Variants in NAALADL2 observed in about 807,000 individuals in gnomAD.
The protein encoded by NAALADL2 is inactive N-acetylated-alpha-linked acidic dipeptidase-like protein 2.
Under a neutral mutation model 87.2 loss-of-function variants are expected in NAALADL2, and 76 were observed. The observed-to-expected ratio is 0.87, with a 90% CI of 0.72 to 1.05. The LOEUF is 1.05. Ranked by LOEUF, NAALADL2 falls within the 50% of genes least tolerant of loss-of-function variation. NAALADL2 has a pLI of 0.00. For synonymous variants in NAALADL2, 354 were observed against 331.0 expected, an observed-to-expected ratio of 1.07 and a Z score of -0.75; for missense variants, 1,089 against 945.8, an observed-to-expected ratio of 1.15 and a Z score of -1.99.
At chr3:174,963,931 G>A (rs894143244) in intron 1 of NAALADL2, among the ~76,000 whole-genome samples, 1 of 151,858 alleles carries the variant, frequency 6.6e-6, no homozygotes, top group Non-Finnish European at 1.5e-5. Flanking sequence ...TTCTGACAAT[G>A]TAAATAATGT....
chr3:174,581,412 C>T (rs191919937), intron 2 of NAALADL2, among the ~76,000 whole-genome samples: 1 of 151,830 alleles, frequency 6.6e-6, no homozygotes, highest in Non-Finnish European at 1.5e-5. Context: ...TTCCTAATAC[C>T]AGAGAAGCAG....
At chr3:175,159,954 A>G (rs529824063) in intron 2 of NAALADL2, among the ~76,000 whole-genome samples, 8 of 150,178 alleles carry the variant, frequency 5.3e-5, no homozygotes, top group African/African-American at 2.0e-4. Flanking sequence ...CTCCTGCGTC[A>G]GCCTTCCTAG....
In NAALADL2 at chr3:174,473,784, T is replaced by G. The variant is rs546235648; in HGVS notation, c.-184+32752T>G. Among the ~76,000 whole-genome samples, 19 of 152,298 alleles carry G rather than the reference T, an allele frequency of 1.2e-4. No individual in the cohort carries two copies. The South Asian group carries it at 3.9e-3, about 32-fold the overall frequency. On this transcript the variant is annotated intron_variant, in intron 1 of 3. Transcript: ENST00000434257. The stretch of plus-strand genomic sequence containing the variant: ...ATTAGATGTTATTTGAAATGAAGAA[T>G]GTTTTCCTGATAAATTCGTATTTTG...
intron 5 of NAALADL2, among the ~76,000 whole-genome samples, chr3:175,354,609 T>C (rs879512940): frequency 5.9e-5 from 9 of 152,106 alleles, no homozygotes; most frequent in Non-Finnish European, 1.2e-4. Flanking sequence ...TTTACCTTTT[T>C]TCATTAGATT....
At chr3:174,553,036 T>C (rs1325996032) in intron 2 of NAALADL2, among the ~76,000 whole-genome samples, 1 of 152,162 alleles carries the variant, frequency 6.6e-6, no homozygotes, top group Non-Finnish European at 1.5e-5. Context: ...TGGACTTTTG[T>C]GTCTCCACTG....
chr3:175,152,908 A>T (rs1356468927), intron 2 of NAALADL2, among the ~76,000 whole-genome samples: 1 of 152,040 alleles, frequency 6.6e-6, no homozygotes, highest in Admixed American at 6.6e-5. Context: ...CTCTGTCTCA[A>T]AAAAAAGAAA....
At chr3:175,086,726 G>T (rs147734400) in intron 1 of NAALADL2, among the ~76,000 whole-genome samples, 2,441 of 151,922 alleles carry the variant, frequency 0.016, 64 homozygotes, top group African/African-American at 0.054. Flanking sequence ...CATAAGAATT[G>T]CTCATTATAG....
chr3:175,090,425 C>G (rs1719873584), intron 1 of NAALADL2, among the ~76,000 whole-genome samples: 1 of 152,002 alleles, frequency 6.6e-6, no homozygotes, highest in Non-Finnish European at 1.5e-5. Context: ...GCCCAACTAA[C>G]CATCCATTTA....
chr3:175,002,451 TAAAA>T, intron 1 of NAALADL2, among the ~76,000 whole-genome samples: 1 of 152,136 alleles, frequency 6.6e-6, no homozygotes, highest in Middle Eastern at 3.4e-3. Flanking sequence ...TCCTTAAAGC[TAAAA>T]ATGAAGATCT....
At chr3:174,575,424 G>T (rs543680166) in intron 2 of NAALADL2, among the ~76,000 whole-genome samples, 1 of 152,090 alleles carries the variant, frequency 6.6e-6, no homozygotes, top group Non-Finnish European at 1.5e-5. Context: ...TGACTACTCA[G>T]TTTAAAGCCC....
intron 4 of NAALADL2, among the ~76,000 whole-genome samples, chr3:175,286,326 T>G (rs1360016942): frequency 6.6e-6 from 1 of 152,140 alleles, no homozygotes; most frequent in Non-Finnish European, 1.5e-5. Flanking sequence ...AGATTTACTG[T>G]GCATCCTCTT....
At chr3:175,145,378 T>C (rs1429070707) in intron 2 of NAALADL2, among the ~76,000 whole-genome samples, 1 of 152,136 alleles carries the variant, frequency 6.6e-6, no homozygotes, top group East Asian at 1.9e-4. Context: ...GCAGTAGCAC[T>C]CAATAAACCT....
chr3:175,286,047 G>T (rs1754931894), intron 4 of NAALADL2, among the ~76,000 whole-genome samples: 1 of 152,100 alleles, frequency 6.6e-6, no homozygotes, highest in Admixed American at 6.6e-5. Flanking sequence ...TTCAGAAAGA[G>T]AATACAAGCT....
chr3:174,598,106 A>G (rs144893480), intron 2 of NAALADL2, among the ~76,000 whole-genome samples: 65 of 152,284 alleles, frequency 4.3e-4, no homozygotes, highest in African/African-American at 1.5e-3. Flanking sequence ...AATAAACTTG[A>G]CTAAAAATGA....
chr3:175,639,299 T>C (rs1728959858), intron 11 of NAALADL2, among the ~76,000 whole-genome samples: 1 of 148,780 alleles, frequency 6.7e-6, no homozygotes, highest in Non-Finnish European at 1.5e-5. Flanking sequence ...CACAGCAGTT[T>C]TTTTTCAAAA....
chr3:174,764,765 T>C (rs1713548120), intron 3 of NAALADL2, among the ~76,000 whole-genome samples: 1 of 152,144 alleles, frequency 6.6e-6, no homozygotes, highest in African/African-American at 2.4e-5. Context: ...TTGGGTTAGA[T>C]GAGAATAAGG....
rs564781492 is a variant in NAALADL2 at position 175,339,334 on chromosome 3, C to G, written c.1090+15009C>G. 6.6e-5 allele frequency among the ~76,000 whole-genome samples: 10 copies of G among 152,230 alleles called. No homozygotes were observed. The East Asian group carries it at 1.9e-3, about 29-fold the overall frequency. On this transcript the variant is annotated intron_variant, in intron 5 of 13. Coordinates refer to ENST00000454872, the MANE Select transcript of NAALADL2 (RefSeq NM_207015.3). ...TGCCATGTGAAAAGTTTCAAAGGTC[C>G]TACGTTGTTTGTTTTTCCTCTCTTT...
In NAALADL2 at chr3:175,024,509, C is replaced by G. The variant is rs181209866; in HGVS notation, c.44-72281C>G. The stretch of plus-strand genomic sequence containing the variant: ...AAAGAGAAAATACAAAATCATTGTC[C>G]TTATTTAAAGTGAGCAAATATTATT... On this transcript the variant is annotated intron_variant, in intron 1 of 13. Transcript: ENST00000454872. Among the ~76,000 whole-genome samples the G allele has an allele frequency of 3.0e-3, 458 of 151,988 alleles. 2 individuals are homozygous for G. The highest frequency in any genetic ancestry group is 0.01 in the African/African-American group (430 of 41,490).
chr3:174,811,788 C>T (rs1194549776), intron 3 of NAALADL2, among the ~76,000 whole-genome samples: 1 of 152,076 alleles, frequency 6.6e-6, no homozygotes, highest in Non-Finnish European at 1.5e-5. Context: ...GGAATTGTGT[C>T]CCCACCCAAA....
Sources: allele counts gnomAD v4.1 joint callset (sites outside exome capture counted in the v4.1 genomes callset), GRCh38; gene constraint gnomAD v4.1.1; transcripts MANE v1.5; gene names NCBI Gene and HGNC (gene_info 2026-07-23, HGNC 2026-07-21).